Variants in TBL3 observed in about 807,000 individuals in gnomAD.
The protein encoded by TBL3 is transducin beta like 3.
TBL3 carries 71 observed loss-of-function variants against 102.7 expected under a neutral mutation model. The observed-to-expected ratio is 0.69, with a 90% CI of 0.57 to 0.84. The LOEUF (loss-of-function observed/expected upper bound fraction) is 0.84. Ranked by LOEUF, TBL3 falls within the 40% of genes least tolerant of loss-of-function variation. The pLI is 0.00. For synonymous variants in TBL3, 578 were observed against 477.7 expected, an observed-to-expected ratio of 1.21 and a Z score of -2.74; for missense variants, 1,188 against 1,098.5, an observed-to-expected ratio of 1.08 and a Z score of -1.15.
Position 1,974,718 on chromosome 16 carries a change from G to T in TBL3, c.379+39G>T, listed in dbSNP as rs1295069953. 4 of 1,611,924 alleles carry T rather than the reference G, an allele frequency of 2.5e-6. No individual in the cohort carries two copies. The African/African-American group carries it at 4.0e-5, about 16-fold the overall frequency. On this transcript the variant is annotated intron_variant, in intron 5 of 21. Transcript: ENST00000568546. ...GTGCAGGTGGGTCGTGGGCACAGATGCAGGGGCTTTGGGCATTCCACCCCC... is the reference window on the plus strand; with the variant it reads ...GTGCAGGTGGGTCGTGGGCACAGATTCAGGGGCTTTGGGCATTCCACCCCC...
Position 1,978,879 on chromosome 16 carries a change from G to A in TBL3, c.*194G>A, listed in dbSNP as rs2083431627. The A allele has an allele frequency of 9.3e-7, 1 of 1,072,756 alleles. No individual in the cohort carries two copies. The highest frequency in any genetic ancestry group is 1.3e-6 in the Non-Finnish European group (1 of 757,946). The allele number at this position is 1,072,756 out of a possible 1,614,324, so 66.5% of individuals were successfully genotyped here. A position where few individuals can be genotyped will look rare whatever the true frequency, so the allele number is the denominator to read the frequency against. On this transcript the variant is annotated 3_prime_UTR_variant, in exon 22 of 22. Transcript: ENST00000568546. ...CCATCCCGCACCCTGGCCTGGCAGA[G>A]ATCCAGCCCGCGGCTCCGCACGCTT... is the stretch of plus-strand genomic sequence containing the variant.
intron 19 of TBL3, 31 bp downstream of exon 19, chr16:1,978,092 G>A: frequency 6.2e-7 from 1 of 1,607,552 alleles, no homozygotes; most frequent in South Asian, 1.1e-5. Context: ...GCGAGGGGCT[G>A]GGTCTTCGGA....
Position 1,980,353 on chromosome 16 carries a change from G to A in TBL3, c.*1668G>A. On this transcript the variant is annotated 3_prime_UTR_variant, in exon 22 of 22. Coordinates refer to ENST00000568546, the MANE Select transcript of TBL3 (RefSeq NM_006453.3). ...ACGCCGCTGCATGCTGGGAGTTTGG[G>A]GCGAGTCAGGCACCTGCCGGGTGGC... The A allele has an allele frequency of 6.3e-7, 1 of 1,595,896 alleles. No individual in the cohort carries two copies. Among genetic ancestry groups the A allele is most frequent in the Non-Finnish European group, 8.5e-7 (1 of 1,176,538 alleles).
At position 1,975,934 on chromosome 16, in the gene TBL3, C is replaced by A. The variant is rs372872698; in HGVS notation, c.1114C>A (p.Leu372Ile). 16 of 1,614,162 alleles carry A rather than the reference C, an allele frequency of 9.9e-6. No individual in the cohort carries two copies. The highest frequency in any genetic ancestry group is 1.6e-4 in the Middle Eastern group (1 of 6,062). ...GCTGCAGACGTCAGCCTGCCAGATC[C>A]TCCACGGCCACACGGGTGAGTGGGG... is the stretch of plus-strand genomic sequence containing the variant. ...FELQTSACQI[L>I]HGHTDIVLAL... is the part of the protein sequence containing the mutation. The change falls in exon 11 of 22, where the codon CTC (leucine) becomes ATC (isoleucine). Residue 372 changes from leucine (L) to isoleucine (I), a missense_variant. Coordinates refer to ENST00000568546, the MANE Select transcript of TBL3 (RefSeq NM_006453.3).
At chr16:1,977,468 C>T (rs754045857) in intron 16 of TBL3, 42 bp downstream of exon 16, 177 of 568,550 alleles carry the variant, frequency 3.1e-4, no homozygotes, top group Non-Finnish European at 4.7e-4. Context: ...TGGGGGGTGG[C>T]GGGGGGACCT....
chr16:1,976,771 G>A (rs1478956566), intron 13 of TBL3, 43 bp from the exon 14 acceptor site: 1 of 1,606,838 alleles, frequency 6.2e-7, no homozygotes, highest in African/African-American at 1.3e-5. Flanking sequence ...ATCAGGGCTG[G>A]CTGGGGCTCA....
intron 1 of TBL3, 85 bp downstream of exon 1, chr16:1,972,290 T>C (rs1567323469): frequency 4.0e-5 from 50 of 1,259,094 alleles, no homozygotes; most frequent in African/African-American, 4.7e-5. Context: ...TGGGCACGCA[T>C]TGGGGTCCGT....
Position 1,978,722 on chromosome 16 carries a change from G to A in TBL3, c.*37G>A. 1 of 1,587,508 alleles carries A rather than the reference G, an allele frequency of 6.3e-7. No homozygotes were observed. The highest frequency in any genetic ancestry group is 2.3e-5 in the East Asian group (1 of 44,218). On this transcript the variant is annotated 3_prime_UTR_variant, in exon 22 of 22. Coordinates refer to ENST00000568546, the MANE Select transcript of TBL3 (RefSeq NM_006453.3). ...TCTCTCCAGTCCATCCTGAACCCCTGGAAAACCCATAAAGGCCGCTCTCCT... is the reference window on the plus strand; with the variant it reads ...TCTCTCCAGTCCATCCTGAACCCCTAGAAAACCCATAAAGGCCGCTCTCCT...
At position 1,974,529 on chromosome 16, in the gene TBL3, C is replaced by T. The variant is rs774372680; in HGVS notation, c.238-9C>T. 112 of 1,600,444 alleles carry T rather than the reference C, an allele frequency of 7.0e-5. No homozygotes were observed. Among genetic ancestry groups the T allele is most frequent in the Admixed American group, 3.5e-4 (21 of 59,414 alleles). ...TGCTGCCCCTCTGCTGACCTGTACC[C>T]TCCCCCAGGTGCTGGTGACAGCCAG... On this transcript the variant is annotated splice_polypyrimidine_tract_variant and intron_variant, in intron 4 of 21. Coordinates refer to ENST00000568546, the MANE Select transcript of TBL3 (RefSeq NM_006453.3).
In TBL3 at chr16:1,979,054, A is replaced by T. The variant is rs754369027; in HGVS notation, c.*369A>T. 2.6e-6 allele frequency: 4 copies of T among 1,544,706 alleles called. No individual in the cohort carries two copies. The highest frequency in any genetic ancestry group is 3.5e-6 in the Non-Finnish European group (4 of 1,156,188). On this transcript the variant is annotated 3_prime_UTR_variant, in exon 22 of 22. Transcript: ENST00000568546. Reference sequence around the variant, plus strand: ...TCCCCTCATCGGGATCCTCGCGCTCACTGCTCCGTCGTGGGGTGCGGCACA... The same window carrying T: ...TCCCCTCATCGGGATCCTCGCGCTCTCTGCTCCGTCGTGGGGTGCGGCACA...
chr16:1,978,439 G>C lies in TBL3; in HGVS notation c.2261G>C (p.Arg754Pro). Residue 754 changes from arginine (R) to proline (P), a missense_variant, in exon 21 of 22, where the codon CGG becomes CCG. By Grantham distance (103) the Arg-to-Pro change is moderately radical (BLOSUM62 -2). Coordinates refer to ENST00000568546, the MANE Select transcript of TBL3 (RefSeq NM_006453.3). ...PEELLAYEGV[R>P]AALEALLPYT... ...GAGCTGCTGGCCTACGAAGGCGTGC[G>C]GGCAGCGCTTGAGGCCCTGCTGCCC... is the stretch of plus-strand genomic sequence containing the variant. 1 of 1,609,976 alleles carries C rather than the reference G, an allele frequency of 6.2e-7. No individual in the cohort carries two copies. Among genetic ancestry groups the C allele is most frequent in the Admixed American group, 1.7e-5 (1 of 59,826 alleles).
At position 1,981,085 on chromosome 16, in the gene TBL3, G is replaced by T. The variant is rs747480408; in HGVS notation, c.*2400G>T. 6.2e-6 allele frequency: 10 copies of T among 1,611,746 alleles called. No homozygotes were observed. Among genetic ancestry groups the T allele is most frequent in the South Asian group, 4.4e-5 (4 of 91,054 alleles). ...CCAGGCACCCCCTTCCTATCCCTTGGGGCCACTAAGGACCCAGCCAGGTCT... is the reference window on the plus strand; with the variant it reads ...CCAGGCACCCCCTTCCTATCCCTTGTGGCCACTAAGGACCCAGCCAGGTCT... On this transcript the variant is annotated 3_prime_UTR_variant, in exon 22 of 22. Coordinates refer to ENST00000568546, the MANE Select transcript of TBL3 (RefSeq NM_006453.3).
chr16:1,981,004 C>T lies in TBL3; in HGVS notation c.*2319C>T, dbSNP rs201308907. The T allele has an allele frequency of 1.4e-5, 22 of 1,613,336 alleles. No homozygotes were observed. The Middle Eastern group carries it at 4.9e-4, about 36-fold the overall frequency. On this transcript the variant is annotated 3_prime_UTR_variant, in exon 22 of 22. Coordinates refer to ENST00000568546, the MANE Select transcript of TBL3 (RefSeq NM_006453.3). ...GTGTCGCTGCCGTCTGACCAGCGCA[C>T]AGAGAAGGCAAACGTCTGGGGGACA...
chr16:1,976,701 TG>T, intron 13 of TBL3, 112 bp from the exon 14 acceptor site: 1 of 1,355,698 alleles, frequency 7.4e-7, no homozygotes, highest in Non-Finnish European at 1.0e-6. Flanking sequence ...ACCCGCATCC[TG>T]GGACAGGCCC....
intron 13 of TBL3, 127 bp downstream of exon 13, chr16:1,976,441 G>A (rs2240690): frequency 9.9e-6 from 8 of 808,854 alleles, no homozygotes; most frequent in African/African-American, 8.5e-5. Context: ...CCAGCCCAAA[G>A]ATGTGGAACA....
Position 1,978,561 on chromosome 16 carries a change from TTCAGCGGC to T in TBL3, c.2309_2316del (p.Arg770GlnfsTer32). On this transcript the variant is annotated frameshift_variant, in exon 22 of 22. Transcript: ENST00000568546. LOFTEE classifies it low-confidence loss of function (END_TRUNC). ...CTCTGTCCAACCCCAGAGCGGCACT[TTCAGCGGC>T]TCAGCAGGACCCTCCAGGCCGCCGC... is the stretch of plus-strand genomic sequence containing the variant. The T allele has an allele frequency of 6.2e-7, 1 of 1,607,186 alleles. No individual in the cohort carries two copies. The highest frequency in any genetic ancestry group is 8.5e-7 in the Non-Finnish European group (1 of 1,175,542).
rs2083431316 is a variant in TBL3 at position 1,978,851 on chromosome 16, C to T, written c.*166C>T. 3.6e-6 allele frequency: 4 copies of T among 1,112,716 alleles called. No individual in the cohort carries two copies. The highest frequency in any genetic ancestry group is 1.6e-5 in the African/African-American group (1 of 63,766). 68.9% of individuals were successfully genotyped at this position (1,112,716 alleles called of 1,614,324 possible). A position where few individuals can be genotyped will look rare whatever the true frequency, so the allele number is the denominator to read the frequency against. ...GGAGCTGATGGTCTCGGCCCTGCCA[C>T]GCCCATCCCGCACCCTGGCCTGGCA... On this transcript the variant is annotated 3_prime_UTR_variant, in exon 22 of 22. Transcript: ENST00000568546.
chr16:1,980,108 C>T lies in TBL3; in HGVS notation c.*1423C>T. 6.2e-7 allele frequency: 1 copy of T among 1,608,350 alleles called. No individual in the cohort carries two copies. The highest frequency in any genetic ancestry group is 1.1e-5 in the South Asian group (1 of 90,258). ...TGCAGGCAGCGCAGGCTCTGAGCCT[C>T]CAGACTGTGGATGGAGAGGCGGCCC... On this transcript the variant is annotated 3_prime_UTR_variant, in exon 22 of 22. Transcript: ENST00000568546.
Position 1,979,036 on chromosome 16 carries a change from A to G in TBL3, c.*351A>G, listed in dbSNP as rs763764595. The G allele has an allele frequency of 8.4e-6, 13 of 1,538,920 alleles. No homozygotes were observed. In the East Asian group the frequency reaches 2.9e-4, roughly 34 times the overall value. ...CTGGGATGGCGCGGTCCATCCCCTC[A>G]TCGGGATCCTCGCGCTCACTGCTCC... On this transcript the variant is annotated 3_prime_UTR_variant, in exon 22 of 22. Coordinates refer to ENST00000568546, the MANE Select transcript of TBL3 (RefSeq NM_006453.3).
Sources: gnomAD v4.1 joint callset for allele counts on GRCh38, gnomAD v4.1.1 for gene constraint, MANE v1.5 for transcripts, NCBI Gene and HGNC (gene_info 2026-07-23, HGNC 2026-07-21) for gene names.